Variants in GFRA1 observed in about 807,000 individuals in gnomAD.
GFRA1 encodes the protein GDNF family receptor alpha 1.
In GFRA1, 16 loss-of-function variants were observed where a neutral mutation model predicts 51.6. That is an observed-to-expected ratio of 0.31 (90% CI 0.21 to 0.47). The LOEUF (loss-of-function observed/expected upper bound fraction) is 0.47. GFRA1 is among the 20% of genes least tolerant of loss of function. GFRA1 has a pLI of 1.00. For missense variants in GFRA1, 530 were observed against 594.3 expected, an observed-to-expected ratio of 0.89 and a Z score of 1.13; for synonymous variants, 270 against 241.3, an observed-to-expected ratio of 1.12 and a Z score of -1.10.
intron 4 of GFRA1, among the ~76,000 whole-genome samples, chr10:116,246,662 G>GGTTATT (rs1967891333): frequency 6.6e-6 from 1 of 152,264 alleles, no homozygotes; most frequent in South Asian, 2.1e-4. Context: ...CATAAGCAAA[G>GGTTATT]AAACAGGTTA....
At chr10:116,101,523 G>A (rs551802022) in intron 6 of GFRA1, among the ~76,000 whole-genome samples, 3 of 152,218 alleles carry the variant, frequency 2.0e-5, no homozygotes, top group South Asian at 2.1e-4. Context: ...AAGGAAGTAC[G>A]CTGCTAATTG....
intron 5 of GFRA1, among the ~76,000 whole-genome samples, chr10:116,156,802 G>T (rs992374050): frequency 6.7e-6 from 1 of 150,106 alleles, no homozygotes; most frequent in Admixed American, 6.6e-5. Context: ...TTCATTGCAG[G>T]CTTTACACTG....
chr10:116,215,733 A>G (rs1021793053), intron 4 of GFRA1, among the ~76,000 whole-genome samples: 1 of 152,202 alleles, frequency 6.6e-6, no homozygotes, highest in Non-Finnish European at 1.5e-5. Flanking sequence ...AATCAGGTTG[A>G]GCCCAAAGGG....
chr10:116,244,135 A>G (rs995735380), intron 4 of GFRA1, among the ~76,000 whole-genome samples: 2 of 152,098 alleles, frequency 1.3e-5, no homozygotes, highest in Admixed American at 6.5e-5. Context: ...GTCATGAAAG[A>G]GCCTACATGA....
At chr10:116,133,595 G>C (rs1958196547) in intron 5 of GFRA1, among the ~76,000 whole-genome samples, 1 of 152,154 alleles carries the variant, frequency 6.6e-6, no homozygotes, top group African/African-American at 2.4e-5. Context: ...AAGCCTTAAG[G>C]CTCTTTGATT....
chr10:116,168,137 C>T (rs979986763), intron 5 of GFRA1, among the ~76,000 whole-genome samples: 10 of 109,416 alleles, frequency 9.1e-5, no homozygotes, highest in Admixed American at 4.8e-4. Flanking sequence ...CCTTCAAAAA[C>T]CAGGGAATTT....
At chr10:116,193,670 C>G (rs1015410062) in intron 5 of GFRA1, among the ~76,000 whole-genome samples, 4 of 152,156 alleles carry the variant, frequency 2.6e-5, no homozygotes, top group African/African-American at 9.7e-5. Context: ...AGGAGGTATT[C>G]TTGCATTTAG....
intron 5 of GFRA1, among the ~76,000 whole-genome samples, chr10:116,138,879 G>A (rs758141229): frequency 3.3e-5 from 5 of 152,178 alleles, no homozygotes; most frequent in Admixed American, 6.5e-5. Flanking sequence ...ACTCTTGTTA[G>A]ATTCCCATTG....
intron 5 of GFRA1, among the ~76,000 whole-genome samples, chr10:116,182,691 G>A (rs1312866972): frequency 6.6e-6 from 1 of 152,214 alleles, no homozygotes; most frequent in African/African-American, 2.4e-5. Flanking sequence ...TAGAAATCCA[G>A]CTCATCCCAT....
At chr10:116,253,234 C>T (rs1968535420) in intron 4 of GFRA1, among the ~76,000 whole-genome samples, 1 of 152,224 alleles carries the variant, frequency 6.6e-6, no homozygotes, top group Non-Finnish European at 1.5e-5. Context: ...GTCATGGACA[C>T]CTAAGTGGAA....
chr10:116,213,629 TTC>T (rs1372369941), intron 4 of GFRA1, among the ~76,000 whole-genome samples: 3 of 152,236 alleles, frequency 2.0e-5, no homozygotes, highest in African/African-American at 7.2e-5. Context: ...TCTAATTTTG[TTC>T]TCTGTCATCA....
At chr10:116,175,276 C>A (rs1309923699) in intron 5 of GFRA1, among the ~76,000 whole-genome samples, 2 of 152,112 alleles carry the variant, frequency 1.3e-5, no homozygotes, top group Non-Finnish European at 2.9e-5. Context: ...ATGCTTTACC[C>A]TCAACATGGT....
At chr10:116,187,041 CGT>C (rs1368806660) in intron 5 of GFRA1, among the ~76,000 whole-genome samples, 1 of 152,074 alleles carries the variant, frequency 6.6e-6, no homozygotes, top group Non-Finnish European at 1.5e-5. Flanking sequence ...GAAGGAATAA[CGT>C]GAGGTTTTTC....
intron 5 of GFRA1, among the ~76,000 whole-genome samples, chr10:116,190,711 A>G (rs1963175614): frequency 6.6e-6 from 1 of 152,230 alleles, no homozygotes; most frequent in African/African-American, 2.4e-5. Context: ...AGAAAGGAAA[A>G]GAAGAGAAGG....
At chr10:116,232,648 T>C (rs1248611526) in intron 4 of GFRA1, among the ~76,000 whole-genome samples, 7 of 152,214 alleles carry the variant, frequency 4.6e-5, no homozygotes, top group Non-Finnish European at 8.8e-5. Flanking sequence ...AATTGCAAAT[T>C]ACTTTTTACA....
intron 4 of GFRA1, among the ~76,000 whole-genome samples, chr10:116,268,418 A>C (rs560595281): frequency 1.3e-5 from 2 of 152,370 alleles, no homozygotes; most frequent in South Asian, 2.1e-4. Flanking sequence ...GCTATCTCTA[A>C]GATTCATGAA....
chr10:116,194,327 A>C (rs1170810223), intron 5 of GFRA1, among the ~76,000 whole-genome samples: 1 of 152,328 alleles, frequency 6.6e-6, no homozygotes, highest in East Asian at 1.9e-4. Context: ...AAGCAAACAA[A>C]GCCATTTCCA....
intron 4 of GFRA1, among the ~76,000 whole-genome samples, chr10:116,267,034 G>A (rs1196375291): frequency 1.3e-5 from 2 of 152,112 alleles, no homozygotes; most frequent in African/African-American, 2.4e-5. Context: ...CCAGCTACTC[G>A]GGAGACTAAG....
At chr10:116,187,594 G>T (rs2134305012) in intron 5 of GFRA1, among the ~76,000 whole-genome samples, 1 of 152,216 alleles carries the variant, frequency 6.6e-6, no homozygotes. Flanking sequence ...ATTTTATCTG[G>T]CCCAAGAATG....
Sources: allele counts gnomAD v4.1 joint callset (sites outside exome capture counted in the v4.1 genomes callset), GRCh38; gene constraint gnomAD v4.1.1; transcripts MANE v1.5; gene names NCBI Gene and HGNC (gene_info 2026-07-23, HGNC 2026-07-21).